The following TMEM232 variants were observed in gnomAD, a reference collection of about 807,000 sequenced individuals.
The protein encoded by TMEM232 is transmembrane protein 232.
A neutral mutation model predicts 78.8 loss-of-function variants in TMEM232; 80 were observed. That is an observed-to-expected ratio of 1.01 (90% CI 0.85 to 1.22). TMEM232 has a LOEUF of 1.22. Ranked by LOEUF, TMEM232 falls within the 50% of genes most tolerant of loss-of-function variation. The probability of loss-of-function intolerance (pLI) is 0.00; values close to 1 mark genes in which losing one functional copy is unlikely to be tolerated. For synonymous variants in TMEM232, 297 were observed against 254.3 expected, an observed-to-expected ratio of 1.17 and a Z score of -1.60; for missense variants, 881 against 742.2, an observed-to-expected ratio of 1.19 and a Z score of -2.17.
At chr5:110,438,800 G>A (rs567946651) in intron 12 of TMEM232, among the ~76,000 whole-genome samples, 21 of 151,950 alleles carry the variant, frequency 1.4e-4, no homozygotes, top group Admixed American at 3.3e-4. Flanking sequence ...CTAATTCTTC[G>A]GTAGTATTTC....
intron 1 of TMEM232, among the ~76,000 whole-genome samples, chr5:110,671,043 C>T (rs1405699464): frequency 2.0e-5 from 3 of 151,902 alleles, no homozygotes; most frequent in African/African-American, 7.2e-5. Flanking sequence ...ACTCATGAGG[C>T]TATAAAAGCA....
chr5:110,437,127 A>C (rs979551066), intron 12 of TMEM232, among the ~76,000 whole-genome samples: 1 of 151,788 alleles, frequency 6.6e-6, no homozygotes, highest in Non-Finnish European at 1.5e-5. Context: ...AATTTCTTTC[A>C]TCAGTGTTTT....
intron 1 of TMEM232, among the ~76,000 whole-genome samples, chr5:110,687,107 G>A (rs1268647932): frequency 1.3e-5 from 2 of 151,944 alleles, no homozygotes; most frequent in Non-Finnish European, 2.9e-5. Flanking sequence ...TTCTCCTTCT[G>A]ACCTTTCTTC....
chr5:110,565,304 C>G (rs1313481810), intron 11 of TMEM232, among the ~76,000 whole-genome samples: 1 of 151,864 alleles, frequency 6.6e-6, no homozygotes, highest in East Asian at 1.9e-4. Flanking sequence ...ATTTAGTCAT[C>G]ATAACAAGCC....
At chr5:110,622,100 A>G (rs114664839) in intron 7 of TMEM232, among the ~76,000 whole-genome samples, 1,767 of 152,270 alleles carry the variant, frequency 0.012, 13 homozygotes, top group Non-Finnish European at 0.018. Flanking sequence ...CTCCCAATAC[A>G]AAGTGTTACC....
intron 1 of TMEM232, among the ~76,000 whole-genome samples, chr5:110,710,963 A>G (rs1316176338): frequency 3.3e-5 from 5 of 152,216 alleles, no homozygotes. Flanking sequence ...TTGGAAAGAA[A>G]GAAATCAAAT....
intron 3 of TMEM232, among the ~76,000 whole-genome samples, chr5:110,395,357 T>A (rs191122689): frequency 2.1e-4 from 32 of 152,304 alleles, no homozygotes; most frequent in Middle Eastern, 3.4e-3. Flanking sequence ...AGTGAATTCT[T>A]CTGTCTTTGT....
At chr5:110,456,782 T>C (rs1760956915) in intron 12 of TMEM232, among the ~76,000 whole-genome samples, 1 of 152,060 alleles carries the variant, frequency 6.6e-6, no homozygotes, top group East Asian at 1.9e-4. Flanking sequence ...AAGAATGATC[T>C]CTTAAAACAA....
intron 12 of TMEM232, among the ~76,000 whole-genome samples, chr5:110,455,458 A>G (rs1760798689): frequency 6.6e-6 from 1 of 151,848 alleles, no homozygotes; most frequent in African/African-American, 2.4e-5. Flanking sequence ...GCTCACTGCA[A>G]GCTCCACCTC....
At chr5:110,409,324 C>G (rs1428906253) in intron 2 of TMEM232, among the ~76,000 whole-genome samples, 6 of 152,174 alleles carry the variant, frequency 3.9e-5, no homozygotes, top group Admixed American at 3.9e-4. Flanking sequence ...ATGGAGCCAA[C>G]AATGCACACA....
chr5:110,596,479 A>G (rs1033403032), intron 10 of TMEM232, among the ~76,000 whole-genome samples: 1 of 152,178 alleles, frequency 6.6e-6, no homozygotes, highest in Non-Finnish European at 1.5e-5. Context: ...ATTCCAATCA[A>G]CAGAAAAAGA....
rs570830187 is a variant in TMEM232 at position 110,491,205 on chromosome 5, T to A, written c.1703+37383A>T. Among the ~76,000 whole-genome samples the A allele has an allele frequency of 2.0e-5, 3 of 152,118 alleles. No individual in the cohort carries two copies. In the East Asian group the frequency reaches 5.8e-4, roughly 29 times the overall value. ...TTAAAGAAGGTAAACACATGGTCCA[T>A]ATGAACATAAAAAGACATTCAACAT... On this transcript the variant is annotated intron_variant, in intron 12 of 13. Transcript: ENST00000455884.
intron 12 of TMEM232, among the ~76,000 whole-genome samples, chr5:110,510,133 T>C (rs1767547574): frequency 6.6e-6 from 1 of 152,204 alleles, no homozygotes; most frequent in Non-Finnish European, 1.5e-5. Context: ...CTTGTGCCCA[T>C]GACTTTAATC....
chr5:110,503,455 A>T (rs1766497908), intron 12 of TMEM232, among the ~76,000 whole-genome samples: 1 of 152,204 alleles, frequency 6.6e-6, no homozygotes, highest in Non-Finnish European at 1.5e-5. Context: ...AAATATTTAT[A>T]AATCCACTTA....
At chr5:110,724,739 G>T (rs895582638) in intron 1 of TMEM232, among the ~76,000 whole-genome samples, 1 of 152,152 alleles carries the variant, frequency 6.6e-6, no homozygotes, top group Non-Finnish European at 1.5e-5. Context: ...ATAGTTAAAT[G>T]ACTAGTCTTC....
chr5:110,428,645 C>CTT (rs1275462209), intron 12 of TMEM232, among the ~76,000 whole-genome samples: 25 of 144,186 alleles, frequency 1.7e-4, no homozygotes, highest in African/African-American at 5.0e-4. Context: ...ATCCTCCTGT[C>CTT]TTTTTTTTTT....
At chr5:110,714,476 T>G (rs1384402282) in intron 1 of TMEM232, among the ~76,000 whole-genome samples, 1 of 152,154 alleles carries the variant, frequency 6.6e-6, no homozygotes, top group East Asian at 1.9e-4. Flanking sequence ...ATATTCTCAG[T>G]TTGGGGTAAG....
chr5:110,640,024 C>A (rs561428332), intron 4 of TMEM232, among the ~76,000 whole-genome samples: 4 of 152,310 alleles, frequency 2.6e-5, no homozygotes, highest in Middle Eastern at 3.4e-3. Context: ...TGATTCACCC[C>A]CCTCGGGTTG....
chr5:110,625,149 A>T, intron 7 of TMEM232, 118 bp downstream of exon 7: 1 of 1,128,598 alleles, frequency 8.9e-7, no homozygotes, highest in Non-Finnish European at 1.2e-6. Context: ...CCCCTCCTCC[A>T]CAGCTAAACT....
Sources: allele counts gnomAD v4.1 joint callset (sites outside exome capture counted in the v4.1 genomes callset), GRCh38; gene constraint gnomAD v4.1.1; transcripts MANE v1.5; gene names NCBI Gene and HGNC (gene_info 2026-07-23, HGNC 2026-07-21).